MSRA: variants seen among roughly 807,000 people sequenced by gnomAD.
The protein encoded by MSRA is mitochondrial peptide methionine sulfoxide reductase.
MSRA carries 54 observed loss-of-function variants against 31.3 expected under a neutral mutation model. The observed-to-expected ratio is 1.73, with a 90% CI of 1.39 to 2.17. The LOEUF is 2.17. MSRA is among the 30% of genes most tolerant of loss of function. MSRA has a pLI of 0.00. For missense variants in MSRA, 507 were observed against 300.9 expected (o/e 1.69, Z -5.07); for synonymous variants, 169 against 116.5 (o/e 1.45, Z -2.90).
chr8:10,335,909 C>G (rs1803010070), intron 5 of MSRA, among the ~76,000 whole-genome samples: 1 of 152,180 alleles, frequency 6.6e-6, no homozygotes, highest in Non-Finnish European at 1.5e-5. Context: ...AACTTGAGAC[C>G]ACATGATACG....
intron 5 of MSRA, chr8:10,337,133 A>G (rs1344985542): frequency 6.6e-6 from 1 of 152,228 alleles, no homozygotes; most frequent in Admixed American, 6.5e-5. Context: ...GTACAGTCAA[A>G]TGGGATCACT....
intron 2 of MSRA, among the ~76,000 whole-genome samples, chr8:10,216,672 A>AT (rs1190939339): frequency 6.6e-6 from 1 of 152,198 alleles, no homozygotes; most frequent in East Asian, 1.9e-4. Flanking sequence ...ATCATGCAGT[A>AT]TTTACCCTTT....
chr8:10,196,170 C>A (rs918985322), intron 1 of MSRA, among the ~76,000 whole-genome samples: 7 of 152,252 alleles, frequency 4.6e-5, no homozygotes, highest in African/African-American at 1.7e-4. Context: ...GTGGTACATG[C>A]TTAAGGCCGC....
At chr8:10,176,573 GT>G (rs1296889831) in intron 1 of MSRA, among the ~76,000 whole-genome samples, 30 of 152,188 alleles carry the variant, frequency 2.0e-4, no homozygotes, top group Admixed American at 2.0e-3. Flanking sequence ...CTCATCTCCT[GT>G]TTCAGCAGCA....
intron 1 of MSRA, among the ~76,000 whole-genome samples, chr8:10,202,758 T>G (rs528202471): frequency 3.3e-5 from 5 of 152,246 alleles, no homozygotes; most frequent in Admixed American, 3.3e-4. Flanking sequence ...GAGTTTGTTA[T>G]GTACTGGACA....
At chr8:10,243,767 T>C (rs975844692) in intron 2 of MSRA, among the ~76,000 whole-genome samples, 2 of 152,212 alleles carry the variant, frequency 1.3e-5, no homozygotes, top group East Asian at 1.9e-4. Context: ...TTAGTAGTTA[T>C]AATAAAAGTG....
At chr8:10,239,945 G>T (rs1812267929) in intron 2 of MSRA, among the ~76,000 whole-genome samples, 1 of 152,186 alleles carries the variant, frequency 6.6e-6, no homozygotes, top group African/African-American at 2.4e-5. Context: ...TGTGCCTTGG[G>T]GCTATTCCAG....
intron 2 of MSRA, among the ~76,000 whole-genome samples, chr8:10,233,902 G>A (rs1811708534): frequency 6.6e-6 from 1 of 152,036 alleles, no homozygotes. Context: ...AGAATATTAA[G>A]AATAATGAAA....
intron 4 of MSRA, among the ~76,000 whole-genome samples, chr8:10,318,218 G>T (rs536539194): frequency 6.6e-6 from 1 of 152,352 alleles, no homozygotes; most frequent in African/African-American, 2.4e-5. Context: ...TACCTGCTAT[G>T]TGACCTCAGG....
At chr8:10,140,057 G>A (rs964021865) in intron 1 of MSRA, among the ~76,000 whole-genome samples, 27 of 152,204 alleles carry the variant, frequency 1.8e-4, no homozygotes, top group African/African-American at 5.3e-4. Flanking sequence ...AATGAAGAGC[G>A]AGGGAAACAG....
intron 1 of MSRA, among the ~76,000 whole-genome samples, chr8:10,066,777 C>T (rs1351459711): frequency 2.0e-5 from 3 of 152,132 alleles, no homozygotes; most frequent in African/African-American, 2.4e-5. Context: ...TCAGGTGATC[C>T]GCCTACCTCA....
chr8:10,292,830 G>T (rs1213417795), intron 3 of MSRA, among the ~76,000 whole-genome samples: 1 of 152,154 alleles, frequency 6.6e-6, no homozygotes, highest in Admixed American at 6.5e-5. Context: ...GAGCCCTACA[G>T]GCTGGGGACA....
chr8:10,343,038 CACACACACACACACAG>C (rs748154230), intron 5 of MSRA, among the ~76,000 whole-genome samples: 2,100 of 108,990 alleles, frequency 0.019, 34 homozygotes, highest in East Asian at 0.096. Flanking sequence ...CACACACACA[CACACACACACACACAG>C]ACACACACAC....
At chr8:10,214,782 C>G (rs1585187526) in intron 2 of MSRA, among the ~76,000 whole-genome samples, 1 of 152,154 alleles carries the variant, frequency 6.6e-6, no homozygotes. Flanking sequence ...TAATTTGAAG[C>G]AACTTGAGGG....
At chr8:10,073,705 T>A (rs141241002) in intron 1 of MSRA, among the ~76,000 whole-genome samples, 1 of 152,140 alleles carries the variant, frequency 6.6e-6, no homozygotes, top group African/African-American at 2.4e-5. Context: ...GGAGGATGGA[T>A]AGATGTAGAT....
intron 5 of MSRA, among the ~76,000 whole-genome samples, chr8:10,424,227 G>A (rs189692885): frequency 1.3e-5 from 2 of 152,290 alleles, no homozygotes; most frequent in East Asian, 3.9e-4. Flanking sequence ...TGGAACATTC[G>A]GGAAACAGGT....
intron 4 of MSRA, among the ~76,000 whole-genome samples, chr8:10,314,962 G>A (rs1412430674): frequency 1.3e-5 from 2 of 152,154 alleles, no homozygotes; most frequent in African/African-American, 2.4e-5. Context: ...AAGAAAAAGA[G>A]GTGTAATGGA....
chr8:10,120,435 A>G (rs1801023787), intron 1 of MSRA, among the ~76,000 whole-genome samples: 1 of 152,174 alleles, frequency 6.6e-6, no homozygotes, highest in African/African-American at 2.4e-5. Context: ...GAACATGTAC[A>G]AAAGGGTAGT....
chr8:10,191,870 A>G (rs566906166), intron 1 of MSRA, among the ~76,000 whole-genome samples: 5 of 152,282 alleles, frequency 3.3e-5, no homozygotes, highest in East Asian at 1.9e-4. Flanking sequence ...CAATTATTCT[A>G]AAACTTAGCA....
Sources: gnomAD v4.1 joint callset for allele counts (sites outside exome capture counted in the v4.1 genomes callset) on GRCh38, gnomAD v4.1.1 for gene constraint, MANE v1.5 for transcripts, NCBI Gene and HGNC (gene_info 2026-07-23, HGNC 2026-07-21) for gene names.